TRIP12: variants seen among roughly 807,000 people sequenced by gnomAD.
The protein encoded by TRIP12 is thyroid hormone receptor interactor 12, also known as E3 ubiquitin-protein ligase TRIP12.
In TRIP12, 25 loss-of-function variants were observed where a neutral mutation model predicts 244.2. That is an observed-to-expected ratio of 0.10 (90% confidence interval 0.07 to 0.14). The LOEUF (loss-of-function observed/expected upper bound fraction) is 0.14. Among genes scored for constraint, TRIP12 ranks in the 10% least tolerant of loss-of-function variants. The probability of loss-of-function intolerance (pLI) is 1.00; values close to 1 mark genes in which losing one functional copy is unlikely to be tolerated. For missense variants in TRIP12, 1,677 were observed against 2,486.4 expected (o/e 0.67, Z 6.92); for synonymous variants, 905 against 873.1 (o/e 1.04, Z -0.64).
Position 229,789,704 on chromosome 2 carries a change from A to G in TRIP12, c.4602T>C (p.Pro1534=). ...ACGGGTCTTCAAATGTTATATTTTC[A>G]GGTGGTGTGGGAATGAGGTAAACTT... is the stretch of plus-strand genomic sequence containing the variant. ...PLEVYLIPTP[P]ENITFEDPSL... is the part of the protein sequence containing the mutation. Residue 1534 remains proline (P), a synonymous_variant, in exon 31 of 42, where the codon CCT becomes CCC. Coordinates refer to ENST00000675903, the MANE Select transcript of TRIP12 (RefSeq NM_001348323.3). 6.2e-7 allele frequency: 1 copy of G among 1,614,092 alleles called. No homozygotes were observed. Among genetic ancestry groups the G allele is most frequent in the East Asian group, 2.2e-5 (1 of 44,864 alleles).
At chr2:229,888,666 G>A (rs777599538) in intron 1 of TRIP12, among the ~76,000 whole-genome samples, 8 of 152,144 alleles carry the variant, frequency 5.3e-5, no homozygotes, top group Non-Finnish European at 1.0e-4. Flanking sequence ...TAGCGAGGGC[G>A]TGGTAGCGCG....
chr2:229,901,803 A>C (rs2070967467), intron 1 of TRIP12, among the ~76,000 whole-genome samples: 1 of 152,046 alleles, frequency 6.6e-6, no homozygotes, highest in African/African-American at 2.4e-5. Flanking sequence ...GTGGGAAGAG[A>C]AGAAGATAAG....
At chr2:229,879,918 G>A (rs1236817527) in intron 2 of TRIP12, 64 bp downstream of exon 2, 3 of 1,571,674 alleles carry the variant, frequency 1.9e-6, no homozygotes, top group East Asian at 4.5e-5. Context: ...GACCTCGCAA[G>A]GAGGCTTAAA....
chr2:229,798,916 G>T lies in TRIP12; in HGVS notation c.3441C>A (p.Gly1147=). ...TATCCTTTGAGGCAGCCCTGGCAAG[G>T]CCACTACCTCCCGCAGTCCGTGCTG... ...IEPARTAGGS[G]LARAASKDTI... is the part of the protein sequence containing the mutation. Residue 1147 remains glycine (G), a synonymous_variant, in exon 23 of 42, where the codon GGC becomes GGA. Transcript: ENST00000675903. 1.9e-6 allele frequency: 3 copies of T among 1,614,160 alleles called. No individual in the cohort carries two copies. Among genetic ancestry groups the T allele is most frequent in the Non-Finnish European group, 2.5e-6 (3 of 1,180,032 alleles).
At chr2:229,887,812 A>C (rs1443560087) in intron 1 of TRIP12, among the ~76,000 whole-genome samples, 1 of 151,242 alleles carries the variant, frequency 6.6e-6, no homozygotes, top group Non-Finnish European at 1.5e-5. Flanking sequence ...CTGCAAGAGC[A>C]TCATATTTTA....
intron 21 of TRIP12, among the ~76,000 whole-genome samples, chr2:229,801,589 A>G (rs999867617): frequency 7.9e-5 from 12 of 152,216 alleles, no homozygotes; most frequent in Non-Finnish European, 1.3e-4. Context: ...TAAGCTTCTA[A>G]TAGCAAGGAA....
At chr2:229,780,904 A>C (rs1442413360) in intron 34 of TRIP12, among the ~76,000 whole-genome samples, 1 of 152,198 alleles carries the variant, frequency 6.6e-6, no homozygotes, top group Admixed American at 6.5e-5. Flanking sequence ...TAGAGGCCTG[A>C]GGAACAAAAG....
In TRIP12 at chr2:229,774,188, T is replaced by A; in HGVS notation, c.5603A>T (p.Asp1868Val). 2 of 1,614,180 alleles carry A rather than the reference T, an allele frequency of 1.2e-6. No homozygotes were observed. Among genetic ancestry groups the A allele is most frequent in the Non-Finnish European group, 8.5e-7 (1 of 1,180,028 alleles). ...NGCSVEDLGL[D>V]FTLPGFPNIE... ...ATTGGGAAACCCTGGCAGAGTGAAA[T>A]CCAGTCCTAGATCTTCAACTGAGCA... The change falls in exon 38 of 42, where the codon GAT becomes GTT. Residue 1868 changes from aspartate (D) to valine (V), a missense_variant. Around this residue, in one of 11 missense-constraint regions of TRIP12, gnomAD observed 171 missense variants for 388.4 expected, o/e 0.44. Coordinates refer to ENST00000675903, the MANE Select transcript of TRIP12 (RefSeq NM_001348323.3).
intron 13 of TRIP12, 78 bp downstream of exon 13, chr2:229,813,787 AAAAAT>A (rs937209663): frequency 3.1e-5 from 33 of 1,049,500 alleles, no homozygotes; most frequent in African/African-American, 6.7e-5. Context: ...CCCATCTCAA[AAAAAT>A]AAAATAAAAT....
intron 2 of TRIP12, among the ~76,000 whole-genome samples, chr2:229,872,320 T>C (rs1231322980): frequency 6.6e-6 from 1 of 152,036 alleles, no homozygotes; most frequent in Non-Finnish European, 1.5e-5. Flanking sequence ...TCCCAGCACT[T>C]TGGGAGGCCA....
chr2:229,788,722 T>C lies in TRIP12; in HGVS notation c.4838+76A>G, dbSNP rs921517761. The C allele has an allele frequency of 9.1e-6, 14 of 1,540,086 alleles. No homozygotes were observed. In the African/African-American group the frequency reaches 1.2e-4, roughly 14 times the overall value. On this transcript the variant is annotated intron_variant, in intron 32 of 41. Coordinates refer to ENST00000675903, the MANE Select transcript of TRIP12 (RefSeq NM_001348323.3). ...ATTTGACTAGGTCCAGTAAAGACAA[T>C]GTTTCTGTAACAAAATACATCAAGA...
Position 229,785,671 on chromosome 2 carries a change from G to GA in TRIP12, c.5094+85dup. The GA allele has an allele frequency of 2.4e-6, 3 of 1,259,108 alleles. No individual in the cohort carries two copies. The South Asian group carries it at 4.4e-5, about 18-fold the overall frequency. 78.0% of individuals were successfully genotyped at this position (1,259,108 alleles called of 1,614,324 possible). ...AGCAAAGTCTCCCAACTGTCTTTCA[G>GA]AATTTCATAGTACCAAGAAACTCAA... On this transcript the variant is annotated intron_variant, in intron 34 of 41. Transcript: ENST00000675903.
chr2:229,812,060 A>G (rs2047383287), intron 13 of TRIP12, among the ~76,000 whole-genome samples: 1 of 152,162 alleles, frequency 6.6e-6, no homozygotes, highest in Non-Finnish European at 1.5e-5. Context: ...AGACTACAGA[A>G]AAGATTATCT....
chr2:229,772,367 A>G (rs548260605), intron 38 of TRIP12, among the ~76,000 whole-genome samples: 11 of 152,388 alleles, frequency 7.2e-5, no homozygotes, highest in Admixed American at 6.5e-4. Flanking sequence ...TAGCTTTCAC[A>G]AAGTCAGTAG....
At chr2:229,906,602 C>G (rs529145263) in intron 1 of TRIP12, among the ~76,000 whole-genome samples, 5 of 151,488 alleles carry the variant, frequency 3.3e-5, no homozygotes, top group African/African-American at 1.2e-4. Flanking sequence ...CACCTGTAGT[C>G]CCAGCTACTT....
chr2:229,859,119 G>A lies in TRIP12; in HGVS notation c.680C>T (p.Ser227Leu). 6.2e-7 allele frequency: 1 copy of A among 1,614,220 alleles called. No homozygotes were observed. Among genetic ancestry groups the A allele is most frequent in the African/African-American group, 1.3e-5 (1 of 75,074 alleles). Residue 227 changes from serine to leucine, a missense_variant, in exon 4 of 42, where the codon TCA becomes TTA. By Grantham distance (145) the Ser-to-Leu change is moderately radical. Coordinates refer to ENST00000675903, the MANE Select transcript of TRIP12 (RefSeq NM_001348323.3). Reference protein sequence around the residue: ...PTKLASKSATSAKAGCSTITD... With the variant: ...PTKLASKSATLAKAGCSTITD... ...GATGGTGCTACACCCAGCTTTGGCT[G>A]AGGTGGCTGATTTTGAAGCCAGCTT... is the stretch of plus-strand genomic sequence containing the variant.
chr2:229,815,406 T>C, intron 9 of TRIP12, 98 bp from the exon 10 acceptor site: 3 of 704,532 alleles, frequency 4.3e-6, no homozygotes. Flanking sequence ...GAAATGGAAG[T>C]ATTATTCCTA....
chr2:229,805,219 T>TAAAAA (rs2045554652), intron 18 of TRIP12, among the ~76,000 whole-genome samples: 1 of 13,712 alleles, frequency 7.3e-5, no homozygotes, highest in Non-Finnish European at 1.5e-4. Flanking sequence ...CTGGCCCTTT[T>TAAAAA]CAAAACAACA....
chr2:229,922,441 G>A (rs1460046541), upstream of TRIP12: 64 of 1,419,500 alleles, frequency 4.5e-5, no homozygotes, highest in Non-Finnish European at 5.5e-5. Flanking sequence ...TTTAAACTAG[G>A]GTTTTGGCCC....
Sources: gnomAD v4.1 joint callset for allele counts (sites outside exome capture counted in the v4.1 genomes callset) on GRCh38, gnomAD v4.1.1 for gene constraint, gnomAD v4.1.1 regional missense constraint, MANE v1.5 for transcripts, NCBI Gene and HGNC (gene_info 2026-07-23, HGNC 2026-07-21) for gene names.